Variants in CRACD observed in about 807,000 individuals in gnomAD.
CRACD encodes capping protein inhibiting regulator of actin dynamics.
In CRACD, 56 loss-of-function variants were observed where a neutral mutation model predicts 106.8. The observed-to-expected ratio is 0.52, with a 90% confidence interval of 0.42 to 0.66. The LOEUF (loss-of-function observed/expected upper bound fraction) is 0.66, where lower values mean the gene tolerates loss of function less well. CRACD is among the 30% of genes least tolerant of loss of function. CRACD has a pLI of 0.00. For missense variants in CRACD, 1,730 were observed against 1,623.2 expected, an observed-to-expected ratio of 1.07 and a Z score of -1.13; for synonymous variants, 754 against 670.8, an observed-to-expected ratio of 1.12 and a Z score of -1.92.
In CRACD at chr4:56,210,923, C is replaced by G. The variant is rs1301001814; in HGVS notation, c.-189+31493C>G. On this transcript the variant is annotated intron_variant, in intron 2 of 10. Coordinates refer to ENST00000682029, the MANE Select transcript of CRACD (RefSeq NM_001393381.1). ...TGAAAAAGAAGCAAGCTCACTTTACCCTAAGGGCTACCTTTTATGAACACT... is the reference window on the plus strand; with the variant it reads ...TGAAAAAGAAGCAAGCTCACTTTACGCTAAGGGCTACCTTTTATGAACACT... Among the ~76,000 whole-genome samples the G allele has an allele frequency of 2.6e-5, 4 of 152,156 alleles. No individual in the cohort carries two copies. In the East Asian group the frequency reaches 7.8e-4, roughly 29 times the overall value.
At chr4:56,062,498 A>C (rs977337863) in intron 1 of CRACD, among the ~76,000 whole-genome samples, 1 of 152,212 alleles carries the variant, frequency 6.6e-6, no homozygotes, top group Non-Finnish European at 1.5e-5. Flanking sequence ...GTATGCTTAA[A>C]ACCGGCTTGT....
chr4:56,211,292 C>T (rs1738389126), intron 2 of CRACD, among the ~76,000 whole-genome samples: 1 of 152,170 alleles, frequency 6.6e-6, no homozygotes, highest in Non-Finnish European at 1.5e-5. Flanking sequence ...GGATTTTTCC[C>T]AGTCACTTTG....
intron 1 of CRACD, among the ~76,000 whole-genome samples, chr4:56,127,310 A>C (rs919904657): frequency 2.6e-5 from 4 of 152,202 alleles, no homozygotes; most frequent in African/African-American, 9.6e-5. Context: ...AAAGCAGCAC[A>C]AACGGACTAA....
intron 1 of CRACD, among the ~76,000 whole-genome samples, chr4:56,118,606 G>T (rs4864570): frequency 0.054 from 8,227 of 152,196 alleles, 273 homozygotes; most frequent in East Asian, 0.18. Flanking sequence ...GAATGTTTAA[G>T]TAGGAAAAGA....
chr4:56,072,280 T>G (rs76974749), intron 1 of CRACD, among the ~76,000 whole-genome samples: 5,425 of 152,254 alleles, frequency 0.036, 325 homozygotes, highest in African/African-American at 0.12. Context: ...TTTCTACCTT[T>G]CGTGCTATAA....
At chr4:56,112,567 A>T (rs1346098875) in intron 1 of CRACD, among the ~76,000 whole-genome samples, 1 of 152,120 alleles carries the variant, frequency 6.6e-6, no homozygotes, top group Non-Finnish European at 1.5e-5. Context: ...AGGAATTTAG[A>T]ACAAAGAACA....
chr4:56,247,933 C>T (rs1740786504), intron 2 of CRACD, among the ~76,000 whole-genome samples: 1 of 151,854 alleles, frequency 6.6e-6, no homozygotes, highest in African/African-American at 2.4e-5. Context: ...ACTTACAGTA[C>T]TCCACAGTAT....
intron 3 of CRACD, among the ~76,000 whole-genome samples, chr4:56,274,800 T>G (rs1413165266): frequency 6.6e-6 from 1 of 152,232 alleles, no homozygotes; most frequent in African/African-American, 2.4e-5. Context: ...CAGAGGAGTA[T>G]AAAGCATTTT....
intron 3 of CRACD, among the ~76,000 whole-genome samples, chr4:56,278,650 T>C (rs1156531302): frequency 6.6e-6 from 1 of 152,190 alleles, no homozygotes; most frequent in African/African-American, 2.4e-5. Context: ...AAAGTTGGAC[T>C]ACATCAAAAT....
At chr4:56,190,607 G>A (rs1406893989) in intron 2 of CRACD, among the ~76,000 whole-genome samples, 1 of 152,224 alleles carries the variant, frequency 6.6e-6, no homozygotes, top group African/African-American at 2.4e-5. Flanking sequence ...GATATAAGAG[G>A]TGGGCTTCTA....
chr4:56,296,914 TTG>T (rs1744075634), intron 3 of CRACD, among the ~76,000 whole-genome samples: 2 of 127,016 alleles, frequency 1.6e-5, no homozygotes, highest in African/African-American at 6.2e-5. Context: ...TTCTTTTTTT[TTG>T]TTTGTTTTTT....
chr4:56,095,592 C>T (rs1333314513), intron 1 of CRACD, among the ~76,000 whole-genome samples: 1 of 152,128 alleles, frequency 6.6e-6, no homozygotes, highest in Non-Finnish European at 1.5e-5. Context: ...GCTGCGCCTA[C>T]CTTGGTCAAG....
chr4:56,082,164 G>C (rs1198150605), intron 1 of CRACD, among the ~76,000 whole-genome samples: 1 of 152,212 alleles, frequency 6.6e-6, no homozygotes, highest in Non-Finnish European at 1.5e-5. Context: ...ATAGGCTGCT[G>C]TGAAGAGGTG....
At chr4:56,280,123 T>C (rs1577849251) in intron 3 of CRACD, among the ~76,000 whole-genome samples, 1 of 118,178 alleles carries the variant, frequency 8.5e-6, no homozygotes, top group African/African-American at 3.3e-5. Context: ...AAGGGGAACA[T>C]CACACACTGG....
intron 2 of CRACD, among the ~76,000 whole-genome samples, chr4:56,197,473 C>T (rs12501286): frequency 0.063 from 9,510 of 152,158 alleles, 1,051 homozygotes; most frequent in East Asian, 0.49. Context: ...AAGACATTCT[C>T]AACATGCTAA....
intron 2 of CRACD, among the ~76,000 whole-genome samples, chr4:56,195,154 G>C (rs2109463022): frequency 6.6e-6 from 1 of 152,256 alleles, no homozygotes; most frequent in Non-Finnish European, 1.5e-5. Flanking sequence ...TTGAGTTTAA[G>C]GAAATACTTT....
At chr4:56,170,610 G>C (rs1164789082) in intron 1 of CRACD, among the ~76,000 whole-genome samples, 1 of 152,144 alleles carries the variant, frequency 6.6e-6, no homozygotes, top group Admixed American at 6.5e-5. Flanking sequence ...GGGAGGGAGA[G>C]AAAGGAGGGT....
intron 2 of CRACD, among the ~76,000 whole-genome samples, chr4:56,247,981 G>A (rs917112949): frequency 2.0e-5 from 3 of 152,112 alleles, no homozygotes; most frequent in Non-Finnish European, 4.4e-5. Flanking sequence ...TGAATTCTAC[G>A]AGGCTGAAGA....
At chr4:56,294,627 G>A (rs1231519252) in intron 3 of CRACD, among the ~76,000 whole-genome samples, 2 of 152,096 alleles carry the variant, frequency 1.3e-5, no homozygotes, top group South Asian at 2.1e-4. Flanking sequence ...ATAAATTTAT[G>A]TAGAAGCCAG....
Sources: gnomAD v4.1 joint callset for allele counts (sites outside exome capture counted in the v4.1 genomes callset) on GRCh38, gnomAD v4.1.1 for gene constraint, MANE v1.5 for transcripts, NCBI Gene and HGNC (gene_info 2026-07-23, HGNC 2026-07-21) for gene names.